Variants in COBL observed in about 807,000 individuals in gnomAD.
COBL encodes cordon-bleu WH2 repeat protein.
A neutral mutation model predicts 98.8 loss-of-function variants in COBL; 51 were observed. The observed-to-expected ratio is 0.52, with a 90% CI of 0.41 to 0.65. COBL has a LOEUF of 0.65. Ranked by LOEUF, COBL falls within the 30% of genes least tolerant of loss-of-function variation. The probability of loss-of-function intolerance (pLI) is 0.00; values close to 1 mark genes in which losing one functional copy is unlikely to be tolerated. For missense variants in COBL, 1,617 were observed against 1,617.5 expected (o/e 1.00, Z 0.01); for synonymous variants, 634 against 651.7 (o/e 0.97, Z 0.41).
intron 1 of COBL, among the ~76,000 whole-genome samples, chr7:51,262,194 GC>G (rs1797783221): frequency 6.6e-6 from 1 of 152,150 alleles, no homozygotes; most frequent in Non-Finnish European, 1.5e-5. Flanking sequence ...CAGTGGCCCA[GC>G]CCCAGGAGGC....
At chr7:51,048,177 A>G (rs1235329792) in intron 7 of COBL, among the ~76,000 whole-genome samples, 1 of 152,164 alleles carries the variant, frequency 6.6e-6, no homozygotes, top group Non-Finnish European at 1.5e-5. Context: ...AAAATAAATA[A>G]ATAAATAAAT....
chr7:51,105,672 G>C (rs1796192914), intron 6 of COBL, among the ~76,000 whole-genome samples: 1 of 151,214 alleles, frequency 6.6e-6, no homozygotes, highest in Non-Finnish European at 1.5e-5. Context: ...GATTGATTGA[G>C]CCCAGTAGTT....
At chr7:51,163,067 G>A (rs1454315668) in intron 5 of COBL, among the ~76,000 whole-genome samples, 1 of 152,178 alleles carries the variant, frequency 6.6e-6, no homozygotes, top group African/African-American at 2.4e-5. Flanking sequence ...GCCTCTCACA[G>A]CCCAGACAGT....
chr7:51,049,163 A>C (rs1790002513), intron 7 of COBL, among the ~76,000 whole-genome samples: 1 of 152,220 alleles, frequency 6.6e-6, no homozygotes, highest in African/African-American at 2.4e-5. Flanking sequence ...TGGAAAGAAA[A>C]ATTGGGAAAC....
chr7:51,256,816 T>C (rs2129143149), intron 1 of COBL, among the ~76,000 whole-genome samples: 1 of 152,342 alleles, frequency 6.6e-6, no homozygotes, highest in South Asian at 2.1e-4. Context: ...CTCAAAAATA[T>C]TTCCTGTCTG....
At position 51,260,666 on chromosome 7, in the gene COBL, G is replaced by C. The variant is rs372805957; in HGVS notation, c.42-40722C>G. 4.9e-4 allele frequency among the ~76,000 whole-genome samples: 75 copies of C among 152,338 alleles called. No homozygotes were observed. The South Asian group carries it at 0.015, about 30-fold the overall frequency. On this transcript the variant is annotated intron_variant, in intron 1 of 12. Coordinates refer to ENST00000265136, the MANE Select transcript of COBL (RefSeq NM_015198.5). ...GCAGAATGGGATAAGGACATGTCTA[G>C]CATAAGGAAGGGTCGCTACAGGAGA... is the stretch of plus-strand genomic sequence containing the variant.
intron 2 of COBL, among the ~76,000 whole-genome samples, chr7:51,209,679 A>G (rs801139): frequency 0.75 from 114,353 of 151,958 alleles, 43,165 homozygotes; most frequent in East Asian, 0.82. Flanking sequence ...TGGCCACACC[A>G]TGCACTGCCC....
intron 1 of COBL, among the ~76,000 whole-genome samples, chr7:51,296,592 T>C (rs748649355): frequency 1.6e-4 from 25 of 152,222 alleles, no homozygotes; most frequent in Admixed American, 7.2e-4. Flanking sequence ...GGGCAAATAA[T>C]ACTGCAGCAA....
Position 51,029,344 on chromosome 7 carries a change from A to T in COBL, c.1752T>A (p.Ala584=), listed in dbSNP as rs147465926. 1 of 1,604,274 alleles carries T rather than the reference A, an allele frequency of 6.2e-7. No homozygotes were observed. Among genetic ancestry groups the T allele is most frequent in the Non-Finnish European group, 8.5e-7 (1 of 1,173,988 alleles). ...SRRDSLAPLQ[A]EHSQPHEKAR... ...CCTTTTCATGGGGCTGGCTGTGCTC[A>T]GCTTGAAGTGGCGCCAGGGAGTCTC... Residue 584 remains alanine (A), a synonymous_variant, in exon 10 of 13, where the codon GCT becomes GCA. Transcript: ENST00000265136.
At chr7:51,209,784 T>C (rs1277310317) in intron 2 of COBL, among the ~76,000 whole-genome samples, 2 of 152,190 alleles carry the variant, frequency 1.3e-5, no homozygotes, top group Non-Finnish European at 2.9e-5. Context: ...TTGTCTGACC[T>C]GACTTGCTTT....
chr7:51,235,605 G>A (rs774375406), intron 1 of COBL, among the ~76,000 whole-genome samples: 1 of 152,268 alleles, frequency 6.6e-6, no homozygotes, highest in Middle Eastern at 3.4e-3. Flanking sequence ...AAACAGCCGC[G>A]GACATCCCTG....
intron 12 of COBL, among the ~76,000 whole-genome samples, chr7:51,018,618 C>T (rs1048946981): frequency 6.6e-6 from 1 of 151,772 alleles, no homozygotes; most frequent in Non-Finnish European, 1.5e-5. Flanking sequence ...TGAGGGTGGG[C>T]ATAGTGGCTC....
intron 10 of COBL, 129 bp downstream of exon 10, chr7:51,027,583 C>G: frequency 1.3e-6 from 1 of 766,980 alleles, no homozygotes; most frequent in South Asian, 1.8e-5. Context: ...AAAATGAAAC[C>G]TGTGTGGTAA....
At chr7:51,190,085 A>T (rs1364651018) in intron 4 of COBL, among the ~76,000 whole-genome samples, 6 of 152,244 alleles carry the variant, frequency 3.9e-5, no homozygotes, top group Non-Finnish European at 4.4e-5. Flanking sequence ...TCAGGAATGG[A>T]TCTCACGCAC....
chr7:51,109,858 C>T (rs1479411295), intron 6 of COBL, among the ~76,000 whole-genome samples: 3 of 152,214 alleles, frequency 2.0e-5, no homozygotes, highest in Non-Finnish European at 1.5e-5. Flanking sequence ...CACATGTTTC[C>T]GTGGCTGAGG....
At chr7:51,229,984 C>T (rs753434009) in intron 1 of COBL, among the ~76,000 whole-genome samples, 2 of 152,148 alleles carry the variant, frequency 1.3e-5, no homozygotes, top group Admixed American at 6.5e-5. Context: ...CTACCTTTAG[C>T]CCCTGCTGCC....
chr7:51,295,506 T>C (rs1003183632), intron 1 of COBL, among the ~76,000 whole-genome samples: 2 of 152,236 alleles, frequency 1.3e-5, no homozygotes, highest in Non-Finnish European at 1.5e-5. Context: ...CCTAGATATG[T>C]AGTACAGAGT....
chr7:51,108,958 C>CACA (rs1562923478), intron 6 of COBL, among the ~76,000 whole-genome samples: 2,546 of 83,970 alleles, frequency 0.03, 76 homozygotes, highest in African/African-American at 0.079. Context: ...ACACACACAC[C>CACA]CCCTGCCCCA....
intron 7 of COBL, chr7:51,073,399 A>G: frequency 1.5e-6 from 1 of 674,576 alleles, no homozygotes; most frequent in Non-Finnish European, 2.7e-6. Context: ...CGGGGGGAAA[A>G]TAAATGGCAA....
Sources: allele counts gnomAD v4.1 joint callset (sites outside exome capture counted in the v4.1 genomes callset), GRCh38; gene constraint gnomAD v4.1.1; transcripts MANE v1.5; gene names NCBI Gene and HGNC (gene_info 2026-07-23, HGNC 2026-07-21).